Variants in PPP6R3 observed in about 807,000 individuals in gnomAD.
The protein encoded by PPP6R3 is serine/threonine-protein phosphatase 6 regulatory subunit 3.
A neutral mutation model predicts 110.7 loss-of-function variants in PPP6R3; 38 were observed. The observed-to-expected ratio is 0.34, with a 90% CI of 0.26 to 0.45. The LOEUF is 0.45. Among genes scored for constraint, PPP6R3 ranks in the 20% least tolerant of loss-of-function variants. The pLI, the probability that PPP6R3 is intolerant of heterozygous loss-of-function variation, is 1.00. For missense variants in PPP6R3, 870 were observed against 1,062.4 expected (o/e 0.82, Z 2.52); for synonymous variants, 369 against 373.5 (o/e 0.99, Z 0.14).
intron 8 of PPP6R3, among the ~76,000 whole-genome samples, chr11:68,561,108 C>T (rs1317007107): frequency 6.6e-6 from 1 of 152,052 alleles, no homozygotes; most frequent in African/African-American, 2.4e-5. Flanking sequence ...ACCGTGGTCT[C>T]GATCTCCTGA....
At chr11:68,583,918 G>T (rs1239055723) in intron 15 of PPP6R3, among the ~76,000 whole-genome samples, 1 of 152,112 alleles carries the variant, frequency 6.6e-6, no homozygotes, top group Non-Finnish European at 1.5e-5. Flanking sequence ...TTGTTGCTTG[G>T]CTTCTTTTTT....
intron 1 of PPP6R3, among the ~76,000 whole-genome samples, chr11:68,516,045 A>G (rs983394017): frequency 3.3e-5 from 5 of 152,136 alleles, no homozygotes; most frequent in Non-Finnish European, 5.9e-5. Context: ...ACCTCCAATA[A>G]GTTGGAATTA....
intron 6 of PPP6R3, among the ~76,000 whole-genome samples, chr11:68,552,150 T>G (rs2099383832): frequency 6.6e-6 from 1 of 151,770 alleles, no homozygotes; most frequent in South Asian, 2.1e-4. Flanking sequence ...TAGTCATCCA[T>G]TTTTACCTAC....
intron 10 of PPP6R3, among the ~76,000 whole-genome samples, chr11:68,568,996 G>C (rs563573619): frequency 2.0e-5 from 3 of 152,080 alleles, no homozygotes; most frequent in Non-Finnish European, 4.4e-5. Flanking sequence ...TCCTGACCTC[G>C]TGATCCGCCC....
At chr11:68,490,455 T>C (rs2098976752) in intron 1 of PPP6R3, among the ~76,000 whole-genome samples, 1 of 152,086 alleles carries the variant, frequency 6.6e-6, no homozygotes, top group South Asian at 2.1e-4. Context: ...CTTGGCTTTT[T>C]ATTGGCATTG....
chr11:68,574,259 T>G, intron 13 of PPP6R3, 35 bp downstream of exon 13: 1 of 1,554,290 alleles, frequency 6.4e-7, no homozygotes, highest in South Asian at 1.1e-5. Flanking sequence ...TACATTTTTG[T>G]TGGGTTGCAG....
chr11:68,474,672 T>G (rs1031712563), intron 1 of PPP6R3, among the ~76,000 whole-genome samples: 2 of 152,242 alleles, frequency 1.3e-5, no homozygotes, highest in South Asian at 4.1e-4. Flanking sequence ...GCCTTGCTGG[T>G]AAGACCATTG....
intron 1 of PPP6R3, among the ~76,000 whole-genome samples, chr11:68,479,539 AG>A (rs2098885423): frequency 6.6e-6 from 1 of 152,196 alleles, no homozygotes; most frequent in South Asian, 2.1e-4. Context: ...GCACTTTGAC[AG>A]CACTTTCATC....
intron 1 of PPP6R3, among the ~76,000 whole-genome samples, chr11:68,515,460 G>T (rs970366985): frequency 1.3e-5 from 2 of 152,226 alleles, no homozygotes; most frequent in African/African-American, 2.4e-5. Context: ...CTGAAACAAT[G>T]AGAACATAGA....
chr11:68,484,202 C>T (rs528405204), intron 1 of PPP6R3, among the ~76,000 whole-genome samples: 2 of 152,194 alleles, frequency 1.3e-5, no homozygotes, highest in Admixed American at 6.5e-5. Flanking sequence ...TTTGTGTGGA[C>T]GTAAGTTTTT....
intron 9 of PPP6R3, 90 bp downstream of exon 9, chr11:68,564,522 C>A: frequency 7.0e-7 from 1 of 1,418,550 alleles, no homozygotes. Context: ...AGTGGCAGAA[C>A]TGGCTGTGGT....
chr11:68,478,891 C>A (rs1184893027), intron 1 of PPP6R3, among the ~76,000 whole-genome samples: 2 of 151,792 alleles, frequency 1.3e-5, no homozygotes, highest in African/African-American at 4.8e-5. Flanking sequence ...CTCCTGACAT[C>A]GTGATCCACC....
rs1284730040 is a variant in PPP6R3, at chr11:68,558,514, T to C, written c.732-52T>C. 3.5e-6 allele frequency: 4 copies of C among 1,142,324 alleles called. No homozygotes were observed. The East Asian group carries it at 7.2e-5, about 20-fold the overall frequency. The allele number at this position is 1,142,324 out of a possible 1,614,324, so 70.8% of individuals were successfully genotyped here. ...TGTACCGTCGTCTTTTTTTCTGAGG[T>C]TGTTGGTGATAAGTGATACTGCAGT... On this transcript the variant is annotated intron_variant, in intron 7 of 23. Coordinates refer to ENST00000393800, the MANE Select transcript of PPP6R3 (RefSeq NM_001164161.2).
chr11:68,560,039 A>C (rs1470758416), intron 8 of PPP6R3, among the ~76,000 whole-genome samples: 3 of 152,152 alleles, frequency 2.0e-5, no homozygotes, highest in Non-Finnish European at 2.9e-5. Context: ...CCATCATTGC[A>C]TTATGGAATG....
At chr11:68,570,597 T>C (rs2153782792) in intron 11 of PPP6R3, among the ~76,000 whole-genome samples, 1 of 152,348 alleles carries the variant, frequency 6.6e-6, no homozygotes, top group Admixed American at 6.5e-5. Flanking sequence ...TTAATATTAA[T>C]GCAGTAATGT....
At chr11:68,468,384 C>T (rs1360563637) in intron 1 of PPP6R3, among the ~76,000 whole-genome samples, 2 of 152,224 alleles carry the variant, frequency 1.3e-5, no homozygotes, top group African/African-American at 4.8e-5. Context: ...CAGGTCTCAT[C>T]TGTCTCTTTT....
chr11:68,469,263 G>T (rs150508931), intron 1 of PPP6R3, among the ~76,000 whole-genome samples: 173 of 152,328 alleles, frequency 1.1e-3, no homozygotes, highest in African/African-American at 3.4e-3. Context: ...TGGCCTGTGG[G>T]TTGTAGTTTG....
At chr11:68,549,280 C>T (rs79015656) in intron 5 of PPP6R3, among the ~76,000 whole-genome samples, 3,133 of 152,310 alleles carry the variant, frequency 0.021, 114 homozygotes, top group African/African-American at 0.071. Flanking sequence ...TTAGAACTTA[C>T]TCATTTCTTT....
intron 1 of PPP6R3, among the ~76,000 whole-genome samples, chr11:68,483,992 G>A (rs11228256): frequency 0.24 from 36,616 of 152,008 alleles, 4,671 homozygotes; most frequent in Middle Eastern, 0.32. Flanking sequence ...TTTCATATTG[G>A]CTTCTTTCAC....
Sources: gnomAD v4.1 joint callset for allele counts (sites outside exome capture counted in the v4.1 genomes callset) on GRCh38, gnomAD v4.1.1 for gene constraint, MANE v1.5 for transcripts, NCBI Gene and HGNC (gene_info 2026-07-23, HGNC 2026-07-21) for gene names.